The following GLT1D1 variants were observed in gnomAD, a reference collection of about 807,000 sequenced individuals.
The protein encoded by GLT1D1 is glycosyltransferase 1 domain-containing protein 1.
GLT1D1 carries 21 observed loss-of-function variants against 28.7 expected under a neutral mutation model. The ratio of observed to expected loss-of-function variants is 0.73; its 90% CI spans 0.52 to 1.05. The LOEUF is 1.05. Ranked by LOEUF, GLT1D1 falls within the 50% of genes least tolerant of loss-of-function variation. The pLI, the probability that GLT1D1 is intolerant of heterozygous loss-of-function variation, is 0.00. For missense variants in GLT1D1, 343 were observed against 330.6 expected, an observed-to-expected ratio of 1.04 and a Z score of -0.29; for synonymous variants, 147 against 124.8, an observed-to-expected ratio of 1.18 and a Z score of -1.19.
At chr12:128,886,939 T>C (rs1868453287) in intron 2 of GLT1D1, among the ~76,000 whole-genome samples, 1 of 152,106 alleles carries the variant, frequency 6.6e-6, no homozygotes, top group African/African-American at 2.4e-5. Flanking sequence ...GGAAAAGTTC[T>C]TACAGGTCTG....
chr12:128,922,922 CAAAAAAAAAAAAA>C (rs149775593), intron 4 of GLT1D1, among the ~76,000 whole-genome samples: 10 of 97,614 alleles, frequency 1.0e-4, no homozygotes, highest in East Asian at 8.7e-4. Flanking sequence ...GACTCCATCT[CAAAAAAAAAAAAA>C]AAAAAAAAAA....
chr12:128,854,385 A>G (rs991563775), intron 1 of GLT1D1, among the ~76,000 whole-genome samples: 55 of 145,012 alleles, frequency 3.8e-4, no homozygotes, highest in Non-Finnish European at 1.3e-4. Flanking sequence ...CCTGCAGCTT[A>G]ACAGAAGCCG....
At chr12:128,941,647 A>G (rs1030408031) in intron 4 of GLT1D1, among the ~76,000 whole-genome samples, 30 of 135,940 alleles carry the variant, frequency 2.2e-4, no homozygotes, top group African/African-American at 6.8e-4. Flanking sequence ...ATCTCGGCTC[A>G]CTGCAACCTC....
intron 4 of GLT1D1, among the ~76,000 whole-genome samples, chr12:128,906,154 A>G (rs958606552): frequency 2.0e-5 from 3 of 152,064 alleles, no homozygotes; most frequent in African/African-American, 7.2e-5. Context: ...CTGATATTAT[A>G]ATATTGATTT....
chr12:128,958,984 T>TA, intron 7 of GLT1D1, among the ~76,000 whole-genome samples: 1 of 151,084 alleles, frequency 6.6e-6, no homozygotes, highest in East Asian at 2.0e-4. Context: ...ACTACAGGCA[T>TA]GCACCACCAC....
intron 4 of GLT1D1, among the ~76,000 whole-genome samples, chr12:128,905,827 TG>T (rs1176613523): frequency 8.0e-6 from 1 of 124,980 alleles, no homozygotes; most frequent in Non-Finnish European, 1.8e-5. Flanking sequence ...ATCTTTTAAG[TG>T]TTTTTTTTTT....
chr12:128,897,869 G>C (rs186487598), intron 3 of GLT1D1, among the ~76,000 whole-genome samples: 2 of 151,760 alleles, frequency 1.3e-5, no homozygotes, highest in African/African-American at 2.4e-5. Flanking sequence ...GGGGTTTCAC[G>C]GTGTTAGCCA....
chr12:128,919,387 T>C (rs897188141), intron 4 of GLT1D1, among the ~76,000 whole-genome samples: 2 of 152,180 alleles, frequency 1.3e-5, no homozygotes, highest in Non-Finnish European at 2.9e-5. Context: ...ATATAAACAG[T>C]TGAGTGATTG....
chr12:128,863,650 T>C (rs866548357), intron 1 of GLT1D1, among the ~76,000 whole-genome samples: 8 of 152,148 alleles, frequency 5.3e-5, no homozygotes, highest in African/African-American at 1.9e-4. Flanking sequence ...AGTGCTGGGA[T>C]TACAGGCGTG....
At chr12:128,896,013 A>G (rs557837205) in intron 3 of GLT1D1, among the ~76,000 whole-genome samples, 57 of 152,298 alleles carry the variant, frequency 3.7e-4, no homozygotes, top group African/African-American at 1.3e-3. Flanking sequence ...TAAGATGAAG[A>G]CTGAGGACCG....
chr12:128,913,769 A>G (rs1290331350), intron 4 of GLT1D1, among the ~76,000 whole-genome samples: 1 of 152,090 alleles, frequency 6.6e-6, no homozygotes, highest in Non-Finnish European at 1.5e-5. Context: ...AGCAGGAAAA[A>G]CCTGGGCTCT....
intron 2 of GLT1D1, among the ~76,000 whole-genome samples, chr12:128,884,617 G>A (rs1369272769): frequency 1.3e-5 from 2 of 151,948 alleles, no homozygotes; most frequent in South Asian, 4.1e-4. Context: ...GAGTTCGAGA[G>A]CTGCCTGGCC....
intron 7 of GLT1D1, among the ~76,000 whole-genome samples, chr12:128,973,163 T>C (rs193059559): frequency 6.6e-6 from 1 of 150,562 alleles, no homozygotes; most frequent in East Asian, 1.9e-4. Context: ...TCTTTTCTGT[T>C]TTGTTTGTTT....
intron 4 of GLT1D1, among the ~76,000 whole-genome samples, chr12:128,922,407 G>C (rs575314744): frequency 1.3e-5 from 2 of 152,214 alleles, no homozygotes; most frequent in Non-Finnish European, 2.9e-5. Context: ...GGCTTGGACT[G>C]TTTCTCCTAC....
At chr12:128,939,110 C>T (rs984113107) in intron 4 of GLT1D1, among the ~76,000 whole-genome samples, 2 of 152,076 alleles carry the variant, frequency 1.3e-5, no homozygotes, top group South Asian at 4.1e-4. Flanking sequence ...GATGTCGTGT[C>T]ACGGTGAGGT....
intron 7 of GLT1D1, among the ~76,000 whole-genome samples, chr12:128,962,112 G>T (rs911465750): frequency 9.2e-5 from 14 of 152,052 alleles, no homozygotes; most frequent in Admixed American, 2.0e-4. Flanking sequence ...GTGTCCTATG[G>T]CAGCCCCGTG....
intron 6 of GLT1D1, among the ~76,000 whole-genome samples, chr12:128,949,384 A>G (rs1163618878): frequency 6.6e-6 from 1 of 152,232 alleles, no homozygotes; most frequent in Non-Finnish European, 1.5e-5. Context: ...AGTGTTTTGA[A>G]TGAAACTGAT....
chr12:128,941,094 T>C (rs569559081), intron 4 of GLT1D1, among the ~76,000 whole-genome samples: 1 of 152,328 alleles, frequency 6.6e-6, no homozygotes, highest in South Asian at 2.1e-4. Context: ...TGGTCTTTCC[T>C]GTCTGGTGTA....
intron 4 of GLT1D1, among the ~76,000 whole-genome samples, chr12:128,941,817 G>C (rs1321083739): frequency 6.7e-6 from 1 of 149,246 alleles, no homozygotes; most frequent in African/African-American, 2.5e-5. Flanking sequence ...TTGATCACAT[G>C]ATCCCCCCTC....
Sources: gnomAD v4.1 joint callset for allele counts (sites outside exome capture counted in the v4.1 genomes callset) on GRCh38, gnomAD v4.1.1 for gene constraint, MANE v1.5 for transcripts, NCBI Gene and HGNC (gene_info 2026-07-23, HGNC 2026-07-21) for gene names.